The following ZNF678 variants were observed in gnomAD, a reference collection of about 807,000 sequenced individuals.
The protein encoded by ZNF678 is hypothetical protein MGC42493.
In ZNF678, 5 loss-of-function variants were observed where a neutral mutation model predicts 3.0. The observed-to-expected ratio is 1.69, with a 90% CI of 0.88 to 3.56. The LOEUF (loss-of-function observed/expected upper bound fraction) is 3.56. Among genes scored for constraint, ZNF678 ranks in the 30% most tolerant of loss-of-function variants. ZNF678 has a pLI of 0.00. For missense variants in ZNF678, 593 were observed against 605.0 expected (o/e 0.98, Z 0.21); for synonymous variants, 218 against 199.6 (o/e 1.09, Z -0.78).
At chr1:227,643,242 C>T (rs1658866795) in intron 1 of ZNF678, among the ~76,000 whole-genome samples, 1 of 152,034 alleles carries the variant, frequency 6.6e-6, no homozygotes, top group Non-Finnish European at 1.5e-5. Context: ...ATGCTTTTAC[C>T]TTCTTAGGAA....
chr1:227,648,827 A>T (rs1659021233), intron 2 of ZNF678, among the ~76,000 whole-genome samples: 1 of 142,282 alleles, frequency 7.0e-6, no homozygotes, highest in Admixed American at 7.1e-5. Flanking sequence ...GCGAGACTCC[A>T]TCCCAAAAAA....
At position 227,661,639 on chromosome 1, in the gene ZNF678, GAA is replaced by G. The variant is rs1310104868; in HGVS notation, c.*5814_*5815del. 1 of 152,140 alleles carries G rather than the reference GAA, an allele frequency of 6.6e-6. No homozygotes were observed. Among genetic ancestry groups the G allele is most frequent in the Admixed American group, 6.5e-5 (1 of 15,278 alleles). 9.4% of individuals were successfully genotyped at this position (152,140 alleles called of 1,614,324 possible). ...CTTCTTTTCACCCATTTTGAGAGAAGAAAAGTTCAGCTCAGAGAGCTGCAGGA... is the reference window on the plus strand; with the variant it reads ...CTTCTTTTCACCCATTTTGAGAGAAGAAGTTCAGCTCAGAGAGCTGCAGGA... On this transcript the variant is annotated 3_prime_UTR_variant, in exon 4 of 4. Coordinates refer to ENST00000343776, the MANE Select transcript of ZNF678 (RefSeq NM_001367909.1).
chr1:227,643,059 G>C (rs1401311967), intron 1 of ZNF678, among the ~76,000 whole-genome samples: 1 of 151,936 alleles, frequency 6.6e-6, no homozygotes, highest in Non-Finnish European at 1.5e-5. Flanking sequence ...TAGAGAGAGA[G>C]GTGCACAGGG....
At chr1:227,679,161 G>T (rs1659728092), downstream of ZNF678, among the ~76,000 whole-genome samples, 1 of 151,460 alleles carries the variant, frequency 6.6e-6, no homozygotes. Context: ...TGAGACCAAA[G>T]GAAGTAAATA....
chr1:227,620,182 A>G (rs1453376665), intron 1 of ZNF678, among the ~76,000 whole-genome samples: 4 of 152,184 alleles, frequency 2.6e-5, no homozygotes, highest in Admixed American at 6.5e-5. Flanking sequence ...CTACATTTCC[A>G]TAGTGAGAGC....
At chr1:227,618,240 G>A (rs1658189197) in intron 1 of ZNF678, among the ~76,000 whole-genome samples, 1 of 152,134 alleles carries the variant, frequency 6.6e-6, no homozygotes, top group Non-Finnish European at 1.5e-5. Context: ...TCTCACTCTG[G>A]GTGCCGCTCA....
At chr1:227,667,651 A>T (rs1483014905) in intron 5 of ZNF678, among the ~76,000 whole-genome samples, 1 of 152,260 alleles carries the variant, frequency 6.6e-6, no homozygotes, top group Non-Finnish European at 1.5e-5. Flanking sequence ...AATATTTCTT[A>T]GAACGATGAC....
At chr1:227,598,679 C>A in intron 1 of ZNF678, 3 of 523,856 alleles carry the variant, frequency 5.7e-6, no homozygotes, top group South Asian at 5.4e-5. Flanking sequence ...CATCTTTTGA[C>A]TTCTTTTTCT....
At chr1:227,672,672 C>T (rs1172035877) in intron 5 of ZNF678, among the ~76,000 whole-genome samples, 3 of 151,992 alleles carry the variant, frequency 2.0e-5, no homozygotes, top group Non-Finnish European at 4.4e-5. Flanking sequence ...TCAGCAGCTC[C>T]CCCTGACCTT....
intron 1 of ZNF678, among the ~76,000 whole-genome samples, chr1:227,600,144 T>G (rs1016884413): frequency 1.3e-5 from 2 of 152,244 alleles, no homozygotes; most frequent in Non-Finnish European, 2.9e-5. Context: ...TGATCTCATT[T>G]TTTTTTAATG....
intron 1 of ZNF678, among the ~76,000 whole-genome samples, chr1:227,618,406 C>G (rs936573234): frequency 1.3e-5 from 2 of 152,154 alleles, no homozygotes; most frequent in African/African-American, 2.4e-5. Context: ...ATGTTCACAC[C>G]CAGATCACGG....
chr1:227,662,855 C>T (rs770162267), downstream of ZNF678, among the ~76,000 whole-genome samples: 30 of 152,196 alleles, frequency 2.0e-4, no homozygotes, highest in African/African-American at 7.2e-4. Context: ...CAAGTTACCC[C>T]TTTCTGCAGG....
chr1:227,570,836 T>C (rs2102715318), intron 1 of ZNF678, among the ~76,000 whole-genome samples: 1 of 152,288 alleles, frequency 6.6e-6, no homozygotes, highest in South Asian at 2.1e-4. Flanking sequence ...AATTTATACA[T>C]TGTGTAAAAA....
intron 1 of ZNF678, among the ~76,000 whole-genome samples, chr1:227,628,210 C>T (rs1179644538): frequency 6.6e-6 from 1 of 152,224 alleles, no homozygotes; most frequent in Non-Finnish European, 1.5e-5. Flanking sequence ...CCCTTTGCCA[C>T]TACATCAGTT....
chr1:227,591,939 G>A (rs766536917), intron 1 of ZNF678, among the ~76,000 whole-genome samples: 63 of 152,240 alleles, frequency 4.1e-4, no homozygotes, highest in Middle Eastern at 3.4e-3. Context: ...TGCTTCAGCC[G>A]TGCGTGGACC....
chr1:227,665,678 A>G (rs1484196366), downstream of ZNF678, among the ~76,000 whole-genome samples: 3 of 152,296 alleles, frequency 2.0e-5, no homozygotes, highest in African/African-American at 7.2e-5. Context: ...TATGAATTAG[A>G]CAATTATGTC....
intron 1 of ZNF678, among the ~76,000 whole-genome samples, chr1:227,582,035 A>G (rs554857508): frequency 2.6e-5 from 4 of 152,256 alleles, no homozygotes; most frequent in Non-Finnish European, 4.4e-5. Flanking sequence ...TATATGTTTA[A>G]TGGCCATCTG....
chr1:227,655,729 A>G lies in ZNF678; in HGVS notation c.1479A>G (p.Glu493=). 6.2e-7 allele frequency: 1 copy of G among 1,612,594 alleles called. No individual in the cohort carries two copies. The highest frequency in any genetic ancestry group is 8.5e-7 in the Non-Finnish European group (1 of 1,179,110). ...HTGEKRYKCK[E]CGKGFYQSSI... ...GAGAGAAACGCTACAAATGTAAAGAATGTGGAAAAGGTTTTTACCAATCCT... is the reference window on the plus strand; with the variant it reads ...GAGAGAAACGCTACAAATGTAAAGAGTGTGGAAAAGGTTTTTACCAATCCT... Residue 493 remains glutamate, a synonymous_variant, in exon 4 of 4, where the codon GAA becomes GAG. Coordinates refer to ENST00000343776, the MANE Select transcript of ZNF678 (RefSeq NM_001367909.1).
At position 227,569,694 on chromosome 1, in the gene ZNF678, G is replaced by A. The variant is rs145766068; in HGVS notation, c.-164+5970G>A. 6.7e-5 allele frequency among the ~76,000 whole-genome samples: 10 copies of A among 149,172 alleles called. No homozygotes were observed. In the East Asian group the frequency reaches 1.8e-3, roughly 26 times the overall value. ...TTATTAGTTTAAGCTATTTCTTGGT[G>A]GACTATTTATGATTTTACATATATA... On this transcript the variant is annotated intron_variant, in intron 1 of 3. Coordinates refer to ENST00000343776, the MANE Select transcript of ZNF678 (RefSeq NM_001367909.1).
Sources: allele counts gnomAD v4.1 joint callset (sites outside exome capture counted in the v4.1 genomes callset), GRCh38; gene constraint gnomAD v4.1.1; transcripts MANE v1.5; gene names NCBI Gene and HGNC (gene_info 2026-07-23, HGNC 2026-07-21).